Variants in PRICKLE1 observed in about 807,000 individuals in gnomAD.
PRICKLE1 encodes the protein prickle-like protein 1.
In PRICKLE1, 14 loss-of-function variants were observed where a neutral mutation model predicts 70.2. That is an observed-to-expected ratio of 0.20 (90% CI 0.13 to 0.31). The LOEUF is 0.31. PRICKLE1 is among the 10% of genes least tolerant of loss of function. PRICKLE1 has a pLI of 1.00. For missense variants in PRICKLE1, 821 were observed against 1,026.2 expected (o/e 0.80, Z 2.73); for synonymous variants, 357 against 379.9 (o/e 0.94, Z 0.70).
chr12:42,569,619 G>A (rs1940675825), intron 1 of PRICKLE1, among the ~76,000 whole-genome samples: 1 of 152,178 alleles, frequency 6.6e-6, no homozygotes, highest in African/African-American at 2.4e-5. Flanking sequence ...TAAGGAAATC[G>A]ATTGTACTGT....
chr12:42,568,335 T>C (rs753478202), intron 1 of PRICKLE1, among the ~76,000 whole-genome samples: 4 of 152,170 alleles, frequency 2.6e-5, no homozygotes, highest in Non-Finnish European at 5.9e-5. Flanking sequence ...CCACCACACC[T>C]GGCTAATTTT....
chr12:42,460,179 T>C lies in PRICKLE1; in HGVS notation c.2126A>G (p.Tyr709Cys), dbSNP rs750226436. ...DRLRLYTPDN[Y>C]EKFIQNKSAR... Reference sequence around the variant, plus strand: ...ACTTTTATTCTGTATAAATTTCTCATAGTTATCGGGGGTGTACAGCCGCAG... The same window carrying C: ...ACTTTTATTCTGTATAAATTTCTCACAGTTATCGGGGGTGTACAGCCGCAG... The change falls in exon 8 of 8, where the codon TAT becomes TGT. Residue 709 changes from tyrosine to cysteine, a missense_variant. Tyr to Cys is a radical substitution (Grantham distance 194, BLOSUM62 -2). Transcript: ENST00000345127. The C allele has an allele frequency of 1.3e-5, 21 of 1,613,996 alleles. No individual in the cohort carries two copies. Among genetic ancestry groups the C allele is most frequent in the Non-Finnish European group, 1.7e-5 (20 of 1,180,032 alleles).
intron 1 of PRICKLE1, among the ~76,000 whole-genome samples, chr12:42,511,129 G>A (rs1305242836): frequency 6.6e-6 from 1 of 152,220 alleles, no homozygotes; most frequent in Non-Finnish European, 1.5e-5. Flanking sequence ...AGCCAGAAGA[G>A]TCAAGGGCAC....
chr12:42,485,112 G>A (rs1403567065), intron 1 of PRICKLE1, among the ~76,000 whole-genome samples: 1 of 151,684 alleles, frequency 6.6e-6, no homozygotes, highest in East Asian at 1.9e-4. Flanking sequence ...CAGTATACAC[G>A]TGAACAATAG....
chr12:42,470,144 G>C, intron 3 of PRICKLE1, 102 bp downstream of exon 3: 1 of 839,222 alleles, frequency 1.2e-6, no homozygotes, highest in Non-Finnish European at 2.0e-6. Context: ...AGGCAAAAGG[G>C]AGCCCTCGCC....
At chr12:42,505,553 A>C (rs961045710) in intron 1 of PRICKLE1, among the ~76,000 whole-genome samples, 1 of 152,056 alleles carries the variant, frequency 6.6e-6, no homozygotes, top group African/African-American at 2.4e-5. Flanking sequence ...CTCCTGTCTC[A>C]GCCTCCAGAG....
chr12:42,474,616 C>T (rs980792263), intron 1 of PRICKLE1, among the ~76,000 whole-genome samples: 20 of 152,014 alleles, frequency 1.3e-4, no homozygotes, highest in African/African-American at 4.8e-4. Flanking sequence ...TCTGACTCCT[C>T]AATAAAAAAG....
intron 1 of PRICKLE1, among the ~76,000 whole-genome samples, chr12:42,583,044 T>C (rs1416926531): frequency 6.6e-6 from 1 of 152,144 alleles, no homozygotes; most frequent in African/African-American, 2.4e-5. Context: ...CTTCCGAAAA[T>C]TGCCATATTT....
chr12:42,550,392 A>C (rs910599189), intron 1 of PRICKLE1: 1 of 152,222 alleles, frequency 6.6e-6, no homozygotes, highest in African/African-American at 2.4e-5. Context: ...GAGGAAAAGA[A>C]GAAGCAATAT....
At chr12:42,490,952 C>A (rs1939089371) in intron 1 of PRICKLE1, among the ~76,000 whole-genome samples, 1 of 152,022 alleles carries the variant, frequency 6.6e-6, no homozygotes, top group Non-Finnish European at 1.5e-5. Context: ...CTCACTACAA[C>A]CTCCACCTCC....
chr12:42,582,275 G>C (rs1940915053), intron 1 of PRICKLE1, among the ~76,000 whole-genome samples: 3 of 152,188 alleles, frequency 2.0e-5, no homozygotes, highest in South Asian at 2.1e-4. Context: ...CTAGGTGAGG[G>C]GGGCAAGTTA....
chr12:42,476,461 C>A (rs180884007), intron 1 of PRICKLE1, among the ~76,000 whole-genome samples: 40 of 151,912 alleles, frequency 2.6e-4, no homozygotes, highest in African/African-American at 8.7e-4. Flanking sequence ...GGATTACAGG[C>A]GTGAGCCACT....
At chr12:42,577,366 G>C (rs944196987) in intron 1 of PRICKLE1, among the ~76,000 whole-genome samples, 3 of 152,008 alleles carry the variant, frequency 2.0e-5, no homozygotes, top group African/African-American at 7.2e-5. Flanking sequence ...ATCAGGGGAA[G>C]TGTATATTCT....
At chr12:42,553,028 C>A (rs1424351768) in intron 1 of PRICKLE1, among the ~76,000 whole-genome samples, 1 of 152,248 alleles carries the variant, frequency 6.6e-6, no homozygotes, top group Admixed American at 6.5e-5. Context: ...CGGCGGCTCA[C>A]CTCCTGCTGT....
intron 1 of PRICKLE1, among the ~76,000 whole-genome samples, chr12:42,481,272 A>C (rs559493919): frequency 6.6e-6 from 1 of 152,324 alleles, no homozygotes; most frequent in African/African-American, 2.4e-5. Flanking sequence ...AAATCATGCA[A>C]ATAGAAAACA....
intron 1 of PRICKLE1, among the ~76,000 whole-genome samples, chr12:42,528,656 T>G (rs1037531926): frequency 6.6e-6 from 1 of 152,192 alleles, no homozygotes; most frequent in Non-Finnish European, 1.5e-5. Context: ...CCATCAGAAT[T>G]TTTCATATTC....
intron 6 of PRICKLE1, chr12:42,465,917 A>G (rs1315767628): frequency 2.0e-6 from 1 of 512,146 alleles, no homozygotes; most frequent in Non-Finnish European, 3.5e-6. Context: ...AGAGGCTCAC[A>G]GGAACCTAAC....
chr12:42,546,316 T>C (rs1050715703), intron 1 of PRICKLE1, among the ~76,000 whole-genome samples: 3 of 152,208 alleles, frequency 2.0e-5, no homozygotes, highest in African/African-American at 7.2e-5. Context: ...AATTATGTTA[T>C]ATTGAGACAA....
intron 1 of PRICKLE1, among the ~76,000 whole-genome samples, chr12:42,547,846 G>T (rs776056518): frequency 1.3e-5 from 2 of 152,118 alleles, no homozygotes; most frequent in Admixed American, 6.6e-5. Flanking sequence ...AAGTACTTGG[G>T]AGAAGAAGTG....
Sources: allele counts gnomAD v4.1 joint callset (sites outside exome capture counted in the v4.1 genomes callset), GRCh38; gene constraint gnomAD v4.1.1; transcripts MANE v1.5; gene names NCBI Gene and HGNC (gene_info 2026-07-23, HGNC 2026-07-21).